The following MED23 variants were observed in gnomAD, a reference collection of about 807,000 sequenced individuals.
MED23 encodes the protein mediator of RNA polymerase II transcription subunit 23.
In MED23, 105 loss-of-function variants were observed where a neutral mutation model predicts 163.9. That is an observed-to-expected ratio of 0.64 (90% confidence interval 0.55 to 0.75). The LOEUF is 0.75. Ranked by LOEUF, MED23 falls within the 30% of genes least tolerant of loss-of-function variation. The pLI, the probability that MED23 is intolerant of heterozygous loss-of-function variation, is 0.00. For synonymous variants in MED23, 561 were observed against 565.6 expected (o/e 0.99, Z 0.12); for missense variants, 1,054 against 1,649.0 (o/e 0.64, Z 6.25).
intron 20 of MED23, among the ~76,000 whole-genome samples, chr6:131,597,266 G>A (rs981956126): frequency 6.6e-6 from 1 of 151,910 alleles, no homozygotes; most frequent in Non-Finnish European, 1.5e-5. Context: ...CACGAGGTCA[G>A]GAGATTGAGC....
intron 3 of MED23, among the ~76,000 whole-genome samples, chr6:131,625,898 A>G (rs1777453594): frequency 6.6e-6 from 1 of 151,980 alleles, no homozygotes; most frequent in African/African-American, 2.4e-5. Flanking sequence ...CGAGGTGGGC[A>G]GATCATGAGG....
In MED23 at chr6:131,604,177, C is replaced by G; in HGVS notation, c.1756+1G>C. ...ATAAACACCAGAAAGTCCTGTCTTA[C>G]TGATAAATCCTTTGATGCCCAAAGA... On this transcript the variant is annotated splice_donor_variant, in intron 15 of 28. Transcript: ENST00000368068. LOFTEE classifies it high-confidence loss of function. 6.2e-7 allele frequency: 1 copy of G among 1,612,854 alleles called. No homozygotes were observed. Among genetic ancestry groups the G allele is most frequent in the East Asian group, 2.2e-5 (1 of 44,822 alleles).
At chr6:131,577,420 A>G (rs1773672459) in intron 30 of MED23, among the ~76,000 whole-genome samples, 1 of 152,160 alleles carries the variant, frequency 6.6e-6, no homozygotes. Context: ...ACAACTACAA[A>G]CATTCAAGTA....
chr6:131,624,979 TC>T lies in MED23; in HGVS notation c.169del (p.Glu57AsnfsTer27). ...FWGGLSQESHEQCIQWIVKFI... is the reference protein window; with the variant it reads ...FWGGLSQESHXQCIQWIVKFI... ...CTTAACAATCCACTGGATACACTGT[TC>T]ATGAGACTCCTGGAAAATGAGAGAA... On this transcript the variant is annotated frameshift_variant, in exon 4 of 29. Coordinates refer to ENST00000368068, the MANE Select transcript of MED23 (RefSeq NM_004830.4). LOFTEE classifies it high-confidence loss of function. 1.2e-6 allele frequency: 2 copies of T among 1,613,662 alleles called. No homozygotes were observed. The highest frequency in any genetic ancestry group is 1.7e-6 in the Non-Finnish European group (2 of 1,179,922).
chr6:131,605,319 T>C lies in MED23; in HGVS notation c.1534A>G (p.Thr512Ala), dbSNP rs1775776541. The C allele has an allele frequency of 6.2e-7, 1 of 1,613,408 alleles. No individual in the cohort carries two copies. The highest frequency in any genetic ancestry group is 1.7e-4 in the Middle Eastern group (1 of 6,056). ...ATAGATCCTGAAGCCATACAGTTTGTTCCAGGGAGAGGTATCCTCATAATT... is the reference window on the plus strand; with the variant it reads ...ATAGATCCTGAAGCCATACAGTTTGCTCCAGGGAGAGGTATCCTCATAATT... ...NGIMRIPLPG[T>A]NCMASGSITP... The change falls in exon 14 of 29, where the codon ACA (threonine) becomes GCA (alanine). Residue 512 changes from threonine (T) to alanine (A), a missense_variant. Coordinates refer to ENST00000368068, the MANE Select transcript of MED23 (RefSeq NM_004830.4).
At chr6:131,615,113 A>G (rs941534855) in intron 10 of MED23, among the ~76,000 whole-genome samples, 4 of 151,254 alleles carry the variant, frequency 2.6e-5, no homozygotes, top group African/African-American at 9.7e-5. Flanking sequence ...GAATATTAAA[A>G]TAACAAACAC....
At chr6:131,607,877 G>T in intron 12 of MED23, 51 bp downstream of exon 12, 1 of 1,562,222 alleles carries the variant, frequency 6.4e-7, no homozygotes, top group Non-Finnish European at 8.8e-7. Flanking sequence ...ACATAAATTA[G>T]ACATAATTTA....
At chr6:131,627,197 G>C in intron 3 of MED23, 199 bp downstream of exon 3, 1 of 586,146 alleles carries the variant, frequency 1.7e-6, no homozygotes. Flanking sequence ...GTATCAACTT[G>C]ACTTCTCAAC....
At chr6:131,575,079 C>G (rs1019557332) in intron 30 of MED23, among the ~76,000 whole-genome samples, 3 of 151,888 alleles carry the variant, frequency 2.0e-5, no homozygotes, top group Admixed American at 6.6e-5. Flanking sequence ...ATAGAGCAAG[C>G]AAGAGGAAAG....
Position 131,592,448 on chromosome 6 carries a change from C to T in MED23, c.3411G>A (p.Val1137=). 1 of 1,613,908 alleles carries T rather than the reference C, an allele frequency of 6.2e-7. No homozygotes were observed. Among genetic ancestry groups the T allele is most frequent in the Non-Finnish European group, 8.5e-7 (1 of 1,179,948 alleles). Residue 1137 remains valine, a synonymous_variant, in exon 25 of 29, where the codon GTG becomes GTA. Coordinates refer to ENST00000368068, the MANE Select transcript of MED23 (RefSeq NM_004830.4). ...LNVVLKSQPL[V]PRENITAWMN... Reference sequence around the variant, plus strand: ...TCCATGCTGTAATGTTCTCTCTTGGCACTAAAGGCTGACTGCAACCGGCAA... The same window carrying T: ...TCCATGCTGTAATGTTCTCTCTTGGTACTAAAGGCTGACTGCAACCGGCAA...
intron 3 of MED23, 101 bp from the exon 4 acceptor site, chr6:131,625,090 TACTTC>T (rs1454668547): frequency 1.6e-6 from 2 of 1,263,374 alleles, no homozygotes; most frequent in African/African-American, 1.5e-5. Flanking sequence ...ATGAAAGAAA[TACTTC>T]ACTATGAGCA....
rs1775254879 is a variant in MED23 at position 131,598,751 on chromosome 6, T to C, written c.2231A>G (p.Lys744Arg). 1 of 1,614,024 alleles carries C rather than the reference T, an allele frequency of 6.2e-7. No homozygotes were observed. The highest frequency in any genetic ancestry group is 1.7e-5 in the Admixed American group (1 of 60,026). The change falls in exon 19 of 29, where the codon AAA (lysine) becomes AGA (arginine). Residue 744 changes from lysine to arginine, a missense_variant. Transcript: ENST00000368068. This position sits in a 1 kb window ranked among gnomAD's most constrained non-coding sequence, Gnocchi z 4.7. ...GCTTTCCTGAGGCACATTATTTTGT[T>C]TGAAGAATGCCTAAAAAGAGGATTA... is the stretch of plus-strand genomic sequence containing the variant. ...CFPGPLQAFF[K>R]QNNVPQESRF... is the part of the protein sequence containing the mutation.
At chr6:131,622,629 T>C (rs974099935) in intron 5 of MED23, among the ~76,000 whole-genome samples, 4 of 152,226 alleles carry the variant, frequency 2.6e-5, no homozygotes, top group Non-Finnish European at 4.4e-5. Context: ...TGAAGTATCA[T>C]ACAAATAAGA....
At position 131,594,241 on chromosome 6, in the gene MED23, G is replaced by A; in HGVS notation, c.3090C>T (p.Ile1030=). The stretch of plus-strand genomic sequence containing the variant: ...GTCGATTATCCTTCAGAGAGCCAAT[G>A]ATCGCATGGACGAGTTTTCGTTTGA... The part of the protein sequence containing the change: ...AFLKRKLVHA[I]IGSLKDNRPQ... Residue 1030 remains isoleucine (I), a synonymous_variant, in exon 23 of 29, where the codon ATC becomes ATT. Transcript: ENST00000368068. The A allele has an allele frequency of 6.2e-7, 1 of 1,614,146 alleles. No homozygotes were observed. Among genetic ancestry groups the A allele is most frequent in the Non-Finnish European group, 8.5e-7 (1 of 1,180,006 alleles).
chr6:131,619,778 A>C (rs781381757), intron 8 of MED23, 49 bp downstream of exon 8: 1 of 1,344,112 alleles, frequency 7.4e-7, no homozygotes, highest in South Asian at 1.2e-5. Flanking sequence ...CAATAATTAG[A>C]TTACTAAAAA....
intron 30 of MED23, among the ~76,000 whole-genome samples, chr6:131,576,415 C>CACTT (rs1400119890): frequency 6.6e-6 from 1 of 152,182 alleles, no homozygotes; most frequent in Non-Finnish European, 1.5e-5. Context: ...TAGGCTCTGC[C>CACTT]ACTTATTAGC....
intron 6 of MED23, 32 bp from the exon 7 acceptor site, chr6:131,620,761 G>A: frequency 7.6e-7 from 1 of 1,313,638 alleles, no homozygotes; most frequent in Non-Finnish European, 1.1e-6. Flanking sequence ...CATCATTCTT[G>A]ACTAGTCCCA....
chr6:131,613,321 G>A (rs1776413185), intron 10 of MED23, among the ~76,000 whole-genome samples: 1 of 152,140 alleles, frequency 6.6e-6, no homozygotes, highest in East Asian at 1.9e-4. Context: ...GCTCCACCTT[G>A]CAGGTCATGA....
intron 16 of MED23, among the ~76,000 whole-genome samples, chr6:131,602,711 C>A (rs1461656029): frequency 1.3e-5 from 2 of 152,030 alleles, no homozygotes; most frequent in Non-Finnish European, 2.9e-5. Context: ...TGACATGATA[C>A]TTTAACCATA....
Sources: allele counts gnomAD v4.1 joint callset (sites outside exome capture counted in the v4.1 genomes callset), GRCh38; gene constraint gnomAD v4.1.1; non-coding constraint Gnocchi (gnomAD v3.1); transcripts MANE v1.5; gene names NCBI Gene and HGNC (gene_info 2026-07-23, HGNC 2026-07-21).